The following FHIP1A variants were observed in gnomAD, a reference collection of about 807,000 sequenced individuals.
The protein encoded by FHIP1A is FHF complex subunit HOOK interacting protein 1A.
In FHIP1A, 61 loss-of-function variants were observed where a neutral mutation model predicts 88.6. The observed-to-expected ratio is 0.69, with a 90% CI of 0.56 to 0.85. FHIP1A has a LOEUF of 0.85. FHIP1A is among the 40% of genes least tolerant of loss of function. The probability of loss-of-function intolerance (pLI) is 0.00; values close to 1 mark genes in which losing one functional copy is unlikely to be tolerated. For missense variants in FHIP1A, 1,154 were observed against 1,273.5 expected (o/e 0.91, Z 1.43); for synonymous variants, 478 against 496.0 (o/e 0.96, Z 0.48).
chr4:151,627,850 A>T (rs1015089414), intron 7 of FHIP1A, among the ~76,000 whole-genome samples: 3 of 152,228 alleles, frequency 2.0e-5, no homozygotes, highest in African/African-American at 7.2e-5. Context: ...CTTTGGGGCT[A>T]TCATTCACTC....
At chr4:151,418,908 C>T (rs1408796335) in intron 1 of FHIP1A, among the ~76,000 whole-genome samples, 1 of 152,126 alleles carries the variant, frequency 6.6e-6, no homozygotes, top group African/African-American at 2.4e-5. Context: ...GTTTCTCTTT[C>T]CAGTTTTTCT....
chr4:151,608,507 G>A (rs188856915), intron 7 of FHIP1A, among the ~76,000 whole-genome samples: 38 of 152,280 alleles, frequency 2.5e-4, no homozygotes, highest in African/African-American at 8.4e-4. Flanking sequence ...CCTGGGTTCC[G>A]GAGATTCTGC....
rs866061965 is a variant in FHIP1A, at chr4:151,501,042, C to T, written c.-123+18394C>T. ...AAAGCATTGGAGTGAAGCTCCCTTT[C>T]GGATATAGATTGGGCATAGATAACA... On this transcript the variant is annotated intron_variant, in intron 3 of 13. Transcript: ENST00000435205. 2.0e-5 allele frequency among the ~76,000 whole-genome samples: 3 copies of T among 152,046 alleles called. No individual in the cohort carries two copies. In the South Asian group the frequency reaches 6.2e-4, roughly 32 times the overall value.
chr4:151,444,297 A>G (rs1580571903), intron 1 of FHIP1A, among the ~76,000 whole-genome samples: 1 of 152,202 alleles, frequency 6.6e-6, no homozygotes, highest in Non-Finnish European at 1.5e-5. Flanking sequence ...TGGAAGCCAC[A>G]TCAGGTTGTT....
chr4:151,595,090 CT>C (rs1734597038), intron 7 of FHIP1A, among the ~76,000 whole-genome samples: 1 of 152,110 alleles, frequency 6.6e-6, no homozygotes, highest in Admixed American at 6.5e-5. Flanking sequence ...TTTGCTCTTG[CT>C]TCTCTAGTTC....
At chr4:151,448,648 CT>C (rs1728689656) in intron 1 of FHIP1A, among the ~76,000 whole-genome samples, 1 of 152,176 alleles carries the variant, frequency 6.6e-6, no homozygotes, top group Admixed American at 6.5e-5. Context: ...TTTCTTCCTT[CT>C]TGATGCTGAA....
chr4:151,620,681 T>C (rs1578827496), intron 7 of FHIP1A, among the ~76,000 whole-genome samples: 2 of 152,248 alleles, frequency 1.3e-5, no homozygotes, highest in South Asian at 4.2e-4. Flanking sequence ...TTACTTCTCT[T>C]CCATTGTAGG....
rs1304501209 is a variant in FHIP1A at position 151,662,875 on chromosome 4, T to G, written c.*121T>G. 2 of 997,204 alleles carry G rather than the reference T, an allele frequency of 2.0e-6. No individual in the cohort carries two copies. Among genetic ancestry groups the G allele is most frequent in the East Asian group, 5.8e-5 (2 of 34,286 alleles). The allele number at this position is 997,204 out of a possible 1,614,324, so 61.8% of individuals were successfully genotyped here. ...TTAATGTTTCCTGACAATACTTGAT[T>G]TGTGGGGAGGGGAATTTTCTGTATC... On this transcript the variant is annotated 3_prime_UTR_variant, in exon 14 of 14. Coordinates refer to ENST00000435205, the MANE Select transcript of FHIP1A (RefSeq NM_001109977.3).
chr4:151,518,688 C>T (rs1346341345), intron 3 of FHIP1A, among the ~76,000 whole-genome samples: 3 of 117,224 alleles, frequency 2.6e-5, no homozygotes, highest in Non-Finnish European at 5.7e-5. Flanking sequence ...TTCCTCCCCT[C>T]CCCTCCCCTT....
chr4:151,447,784 G>T (rs544603365), intron 1 of FHIP1A, among the ~76,000 whole-genome samples: 4 of 152,286 alleles, frequency 2.6e-5, no homozygotes, highest in Non-Finnish European at 5.9e-5. Flanking sequence ...TACAGACACA[G>T]ACAGGTACAA....
chr4:151,444,512 T>G (rs922988472), intron 1 of FHIP1A, among the ~76,000 whole-genome samples: 1 of 152,168 alleles, frequency 6.6e-6, no homozygotes, highest in African/African-American at 2.4e-5. Context: ...ATTGTATCCC[T>G]TTTGTCCCCC....
In FHIP1A at chr4:151,598,065, G is replaced by A. The variant is rs186522183; in HGVS notation, c.978+9139G>A. ...GTTCTGTCTCACTGGCCTTCCAGGCGCCACTGGGGTATTAAAAAAAAAACA... is the reference window on the plus strand; with the variant it reads ...GTTCTGTCTCACTGGCCTTCCAGGCACCACTGGGGTATTAAAAAAAAAACA... On this transcript the variant is annotated intron_variant, in intron 7 of 13. Coordinates refer to ENST00000435205, the MANE Select transcript of FHIP1A (RefSeq NM_001109977.3). Among the ~76,000 whole-genome samples the A allele has an allele frequency of 1.4e-4, 22 of 152,046 alleles. No homozygotes were observed. The East Asian group carries it at 2.1e-3, about 15-fold the overall frequency.
intron 2 of FHIP1A, among the ~76,000 whole-genome samples, chr4:151,462,232 C>T (rs1334073620): frequency 6.6e-6 from 1 of 152,092 alleles, no homozygotes; most frequent in African/African-American, 2.4e-5. Flanking sequence ...CATTAAGGTC[C>T]TTATTTTGCT....
rs79509984 is a variant in FHIP1A, at chr4:151,500,528, C to T, written c.-123+17880C>T. ...ATGTCACTTGGGGCAACTTACTTAT[C>T]TTCTGCCTGCCTCAGTTTCTTCAGT... On this transcript the variant is annotated intron_variant, in intron 3 of 13. Coordinates refer to ENST00000435205, the MANE Select transcript of FHIP1A (RefSeq NM_001109977.3). Among the ~76,000 whole-genome samples, 1,389 of 150,374 alleles carry T rather than the reference C, an allele frequency of 9.2e-3. 19 individuals are homozygous for T. The highest frequency in any genetic ancestry group is 0.032 in the African/African-American group (1,298 of 40,946).
intron 2 of FHIP1A, among the ~76,000 whole-genome samples, chr4:151,463,629 A>G (rs79026155): frequency 0.025 from 3,873 of 152,284 alleles, 175 homozygotes; most frequent in African/African-American, 0.088. Flanking sequence ...GTTGTGCTCT[A>G]CAGTAATGAT....
chr4:151,575,611 A>T (rs1292224472), intron 4 of FHIP1A, among the ~76,000 whole-genome samples: 1 of 152,154 alleles, frequency 6.6e-6, no homozygotes, highest in Admixed American at 6.5e-5. Flanking sequence ...CCTTATTAAA[A>T]ATGTCAACTT....
intron 3 of FHIP1A, among the ~76,000 whole-genome samples, chr4:151,549,032 G>C (rs1265756524): frequency 6.6e-6 from 1 of 152,076 alleles, no homozygotes; most frequent in Non-Finnish European, 1.5e-5. Flanking sequence ...CTATTGGCTG[G>C]GGTTGGACTG....
chr4:151,604,272 A>AGCACGT (rs112092932), intron 7 of FHIP1A, among the ~76,000 whole-genome samples: 8 of 151,790 alleles, frequency 5.3e-5, no homozygotes, highest in African/African-American at 1.9e-4. Flanking sequence ...TGTTATTCTG[A>AGCACGT]GCACGTGCTC....
intron 3 of FHIP1A, among the ~76,000 whole-genome samples, chr4:151,505,045 T>A (rs938693025): frequency 1.3e-5 from 2 of 152,158 alleles, no homozygotes; most frequent in Non-Finnish European, 2.9e-5. Context: ...CTTGCTTCCC[T>A]TTCTTCTACT....
Sources: allele counts gnomAD v4.1 joint callset (sites outside exome capture counted in the v4.1 genomes callset), GRCh38; gene constraint gnomAD v4.1.1; transcripts MANE v1.5; gene names NCBI Gene and HGNC (gene_info 2026-07-23, HGNC 2026-07-21).